The following HIVEP1 variants were observed in gnomAD, a reference collection of about 807,000 sequenced individuals.
HIVEP1 encodes zinc finger protein 40.
In HIVEP1, 36 loss-of-function variants were observed where a neutral mutation model predicts 180.0. The ratio of observed to expected loss-of-function variants is 0.20; its 90% CI spans 0.15 to 0.26. The LOEUF (loss-of-function observed/expected upper bound fraction) is 0.26, where lower values mean the gene tolerates loss of function less well. Among genes scored for constraint, HIVEP1 ranks in the 10% least tolerant of loss-of-function variants. The pLI, the probability that HIVEP1 is intolerant of heterozygous loss-of-function variation, is 1.00. For missense variants in HIVEP1, 3,143 were observed against 3,268.7 expected (o/e 0.96, Z 0.94); for synonymous variants, 1,239 against 1,239.0 (o/e 1.00, Z 0.00).
At chr6:12,211,293 C>T in the HIVEP1 span, among the ~76,000 whole-genome samples, 1 of 74,272 alleles carries the variant, frequency 1.3e-5, no homozygotes, top group Admixed American at 1.2e-4. Flanking sequence ...CCAGCTACTC[C>T]GGAGGCTGAG....
intron 6 of HIVEP1, among the ~76,000 whole-genome samples, chr6:12,131,170 T>A (rs1241800091): frequency 6.6e-6 from 1 of 151,728 alleles, no homozygotes; most frequent in Non-Finnish European, 1.5e-5. Flanking sequence ...ATAATATTTT[T>A]AAAAGAGCAA....
At chr6:12,007,789 C>T (rs1451464669), upstream of HIVEP1, 2 of 151,780 alleles carry the variant, frequency 1.3e-5, no homozygotes, top group African/African-American at 4.8e-5. Flanking sequence ...CTCTGCTCAC[C>T]CCGTCCTCTA....
At chr6:12,208,674 G>A in the HIVEP1 span, among the ~76,000 whole-genome samples, 52 of 152,226 alleles carry the variant, frequency 3.4e-4, no homozygotes, top group African/African-American at 1.1e-3. Context: ...TTTAAATGGC[G>A]TCCTTAGAAG....
chr6:12,031,595 C>T (rs1209477548), intron 2 of HIVEP1, among the ~76,000 whole-genome samples: 2 of 152,134 alleles, frequency 1.3e-5, no homozygotes, highest in Admixed American at 6.5e-5. Context: ...CTGCTTTTCC[C>T]AGCTTTCCCC....
intron 3 of HIVEP1, among the ~76,000 whole-genome samples, chr6:12,115,233 G>T (rs1164342267): frequency 2.6e-5 from 4 of 151,970 alleles, no homozygotes; most frequent in Non-Finnish European, 4.4e-5. Flanking sequence ...AAACTCGTTG[G>T]TGCTCTTCTT....
intron 2 of HIVEP1, among the ~76,000 whole-genome samples, chr6:12,042,890 G>A (rs1170886532): frequency 1.3e-5 from 2 of 152,060 alleles, no homozygotes; most frequent in Admixed American, 1.3e-4. Flanking sequence ...CAGCGTAATT[G>A]GTATTTCTTG....
chr6:12,060,260 C>A (rs1305839973), intron 2 of HIVEP1, among the ~76,000 whole-genome samples: 1 of 152,188 alleles, frequency 6.6e-6, no homozygotes, highest in Admixed American at 6.5e-5. Flanking sequence ...TGGGGATTTA[C>A]ATCTGCTTTC....
At chr6:12,151,917 A>G (rs528699650) in intron 7 of HIVEP1, among the ~76,000 whole-genome samples, 72 of 152,308 alleles carry the variant, frequency 4.7e-4, no homozygotes, top group African/African-American at 1.6e-3. Context: ...ACACTTTGGG[A>G]GGCCGAGGCG....
intron 3 of HIVEP1, among the ~76,000 whole-genome samples, chr6:12,095,495 AT>A (rs896491204): frequency 5.5e-5 from 6 of 108,202 alleles, no homozygotes; most frequent in African/African-American, 2.1e-4. Context: ...TCATGTTGGA[AT>A]TTTTTTTTCT....
chr6:12,125,864 A>C lies in HIVEP1; in HGVS notation c.6069A>C (p.Leu2023Phe). ...ATTCAAGCAAGTGGAAAAGCAGCTT[A>C]AGCAAGGTACTTGAAATATAATTTA... Reference protein sequence around the residue: ...LVYSSKWKSSLSKRALGNQKS... With the variant: ...LVYSSKWKSSFSKRALGNQKS... Residue 2023 changes from leucine to phenylalanine, a missense_variant, in exon 4 of 9, where the codon TTA becomes TTC. By Grantham distance (22) the Leu-to-Phe change is conservative (BLOSUM62 0). This residue lies in a region of HIVEP1 where 1,357 missense variants were observed against 1,260.5 expected (regional missense o/e 1.08). Coordinates refer to ENST00000379388, the MANE Select transcript of HIVEP1 (RefSeq NM_002114.4). 6.3e-7 allele frequency: 1 copy of C among 1,584,694 alleles called. No homozygotes were observed. Among genetic ancestry groups the C allele is most frequent in the Non-Finnish European group, 8.6e-7 (1 of 1,162,658 alleles).
chr6:12,057,100 A>G (rs1307441165), intron 2 of HIVEP1, among the ~76,000 whole-genome samples: 1 of 152,154 alleles, frequency 6.6e-6, no homozygotes, highest in Admixed American at 6.5e-5. Context: ...TGTCTGTATA[A>G]TGAATTGTAA....
chr6:12,204,988 G>A, the HIVEP1 span, among the ~76,000 whole-genome samples: 71 of 152,272 alleles, frequency 4.7e-4, no homozygotes, highest in South Asian at 1.0e-3. Flanking sequence ...GGGAACAACC[G>A]GTGCAAAGGC....
chr6:12,202,302 A>AT, the HIVEP1 span, among the ~76,000 whole-genome samples: 2 of 126,018 alleles, frequency 1.6e-5, no homozygotes, highest in Non-Finnish European at 3.7e-5. Flanking sequence ...ACTATAGGCT[A>AT]ATTTTTTTTT....
At chr6:12,106,160 C>G (rs2113423431) in intron 3 of HIVEP1, among the ~76,000 whole-genome samples, 1 of 151,742 alleles carries the variant, frequency 6.6e-6, no homozygotes, top group South Asian at 2.1e-4. Flanking sequence ...AAAATATTGT[C>G]TTAACCATTT....
In HIVEP1 at chr6:12,121,715, A is replaced by T; in HGVS notation, c.1920A>T (p.Gly640=). The stretch of plus-strand genomic sequence containing the variant: ...AAGGAAAGCAAGACTCTCACGTAGG[A>T]ACGGTACACGCCCAGCTACAAAGGC... ...PLEGKQDSHV[G]TVHAQLQRQQ... is the part of the protein sequence containing the mutation. The change falls in exon 4 of 9, where the codon GGA becomes GGT. Residue 640 remains glycine, a synonymous_variant. Transcript: ENST00000379388. The surrounding 1 kb of genome is among the most constrained non-coding windows in gnomAD (Gnocchi z 5.3). 6.2e-7 allele frequency: 1 copy of T among 1,614,232 alleles called. No individual in the cohort carries two copies. Among genetic ancestry groups the T allele is most frequent in the Non-Finnish European group, 8.5e-7 (1 of 1,180,028 alleles).
intron 4 of HIVEP1, among the ~76,000 whole-genome samples, chr6:12,126,151 G>A (rs543034110): frequency 6.6e-6 from 1 of 152,260 alleles, no homozygotes; most frequent in African/African-American, 2.4e-5. Context: ...TTACTTAGTA[G>A]TACAGATGAT....
chr6:12,037,962 G>C (rs1393721673), intron 2 of HIVEP1: 1 of 387,046 alleles, frequency 2.6e-6, no homozygotes, highest in Non-Finnish European at 4.6e-6. Context: ...TGAACCTCCT[G>C]TGTTGGCCCC....
intron 2 of HIVEP1, among the ~76,000 whole-genome samples, chr6:12,087,757 C>A (rs540598851): frequency 2.0e-5 from 3 of 152,036 alleles, no homozygotes; most frequent in Non-Finnish European, 4.4e-5. Flanking sequence ...TTTTCCAGGA[C>A]TATTTCAACT....
At chr6:12,043,257 C>A (rs1183570936) in intron 2 of HIVEP1, among the ~76,000 whole-genome samples, 4 of 151,810 alleles carry the variant, frequency 2.6e-5, no homozygotes, top group Non-Finnish European at 5.9e-5. Context: ...TCTTTACTTA[C>A]AAAATGAGTT....
Sources: allele counts gnomAD v4.1 joint callset (sites outside exome capture counted in the v4.1 genomes callset), GRCh38; gene constraint gnomAD v4.1.1; regional missense constraint gnomAD v4.1.1; non-coding constraint Gnocchi (gnomAD v3.1); transcripts MANE v1.5; gene names NCBI Gene and HGNC (gene_info 2026-07-23, HGNC 2026-07-21).